ATP13A5: variants seen among roughly 807,000 people sequenced by gnomAD.
ATP13A5 encodes probable cation-transporting ATPase 13A5.
ATP13A5 carries 149 observed loss-of-function variants against 150.2 expected under a neutral mutation model. The observed-to-expected ratio is 0.99, with a 90% CI of 0.87 to 1.14. The LOEUF is 1.14. ATP13A5 is among the 50% of genes most tolerant of loss of function. The probability of loss-of-function intolerance (pLI) is 0.00; values close to 1 mark genes in which losing one functional copy is unlikely to be tolerated. For synonymous variants in ATP13A5, 497 were observed against 522.2 expected, an observed-to-expected ratio of 0.95 and a Z score of 0.66; for missense variants, 1,383 against 1,449.3, an observed-to-expected ratio of 0.95 and a Z score of 0.74.
chr3:193,369,255 T>C (rs2220523), intron 1 of ATP13A5, among the ~76,000 whole-genome samples: 1 of 152,012 alleles, frequency 6.6e-6, no homozygotes, highest in African/African-American at 2.4e-5. Context: ...CTAAGTTTTT[T>C]AAAAATATAT....
rs1412863391 is a variant in ATP13A5 at position 193,351,155 on chromosome 3, C to G, written c.653G>C (p.Trp218Ser). 2.5e-6 allele frequency: 4 copies of G among 1,613,740 alleles called. No homozygotes were observed. Residue 218 changes from tryptophan (W) to serine (S), a missense_variant, in exon 7 of 30, where the codon TGG (tryptophan) becomes TCG (serine). Physicochemically the swap from Trp to Ser is radical, Grantham distance 177. Around this residue, in one of 3 missense-constraint regions of ATP13A5, gnomAD observed 787 missense variants for 771.9 expected, o/e 1.02. Coordinates refer to ENST00000342358, the MANE Select transcript of ATP13A5 (RefSeq NM_198505.4). The stretch of plus-strand genomic sequence containing the variant: ...GTATTCTATGTAACCTTGAGACAGC[C>G]ACAAAGTTAGGGTGAAGGCTTGGAA... ...YVFQAFTLTL[W>S]LSQGYIEYSV... is the part of the protein sequence containing the mutation.
At position 193,275,220 on chromosome 3, in the gene ATP13A5, C is replaced by T; in HGVS notation, c.3479G>A (p.Trp1160Ter). The change falls in exon 30 of 30, where the codon TGG becomes TAG. Residue 1160 changes from tryptophan (W) to a stop codon, truncating the protein, a stop_gained. Coordinates refer to ENST00000342358, the MANE Select transcript of ATP13A5 (RefSeq NM_198505.4). LOFTEE classifies it low-confidence loss of function (END_TRUNC). ...TGAGTCTTCTGCTAGCTTCTTTTGC[C>T]AAGTCCTATATTGACTTTTAGAGTA... ...GFYSKSQYRT[W>*]QKKLAEDSTW... 6.2e-7 allele frequency: 1 copy of T among 1,614,170 alleles called. No individual in the cohort carries two copies. The highest frequency in any genetic ancestry group is 8.5e-7 in the Non-Finnish European group (1 of 1,180,038).
intron 14 of ATP13A5, among the ~76,000 whole-genome samples, chr3:193,324,173 A>G (rs1422212973): frequency 1.3e-5 from 2 of 152,104 alleles, no homozygotes; most frequent in African/African-American, 4.8e-5. Context: ...AGGGTTTTCC[A>G]CTATGGCAGC....
chr3:193,330,979 C>T (rs1336660079), intron 12 of ATP13A5, 144 bp downstream of exon 12: 1 of 740,782 alleles, frequency 1.3e-6, no homozygotes, highest in East Asian at 2.6e-5. Flanking sequence ...TGTGATCTTG[C>T]ACTAGCTCAC....
intron 25 of ATP13A5, among the ~76,000 whole-genome samples, chr3:193,298,488 A>C (rs1718262765): frequency 6.6e-6 from 1 of 152,080 alleles, no homozygotes; most frequent in African/African-American, 2.4e-5. Context: ...ACATTGCCTG[A>C]TGTTTTATCT....
At chr3:193,336,287 T>C (rs1219790019) in intron 9 of ATP13A5, among the ~76,000 whole-genome samples, 22 of 152,200 alleles carry the variant, frequency 1.4e-4, no homozygotes, top group Non-Finnish European at 1.5e-5. Flanking sequence ...GTGCACAACA[T>C]GCAGGTTTGT....
At chr3:193,279,533 T>C in intron 27 of ATP13A5, 79 bp from the exon 28 acceptor site, 1 of 1,139,506 alleles carries the variant, frequency 8.8e-7, no homozygotes, top group East Asian at 2.4e-5. Context: ...GAATCAATTA[T>C]CTCTGTTGGG....
intron 27 of ATP13A5, 132 bp from the exon 28 acceptor site, chr3:193,279,586 A>G: frequency 1.5e-6 from 1 of 658,308 alleles, no homozygotes; most frequent in Non-Finnish European, 2.7e-6. Flanking sequence ...ATATCCTCAT[A>G]TGTTTTGAAA....
At chr3:193,321,646 G>A in intron 16 of ATP13A5, 35 bp downstream of exon 16, 1 of 1,608,148 alleles carries the variant, frequency 6.2e-7, no homozygotes, top group Middle Eastern at 1.7e-4. Flanking sequence ...AAAAACAAAA[G>A]TATTTTACTT....
chr3:193,327,177 T>C lies in ATP13A5; in HGVS notation c.1462-120A>G, dbSNP rs1719496383. On this transcript the variant is annotated intron_variant, in intron 12 of 29. Coordinates refer to ENST00000342358, the MANE Select transcript of ATP13A5 (RefSeq NM_198505.4). ...AGATCCAGTAGTCTAAATACCTTGT[T>C]TATAAGTACCAAATTTTAAATCAGA... is the stretch of plus-strand genomic sequence containing the variant. 4 of 845,818 alleles carry C rather than the reference T, an allele frequency of 4.7e-6. No homozygotes were observed. In the Admixed American group the frequency reaches 1.4e-4, roughly 29 times the overall value. 52.4% of individuals were successfully genotyped at this position (845,818 alleles called of 1,614,324 possible).
At chr3:193,346,798 G>C (rs1176889531) in intron 7 of ATP13A5, among the ~76,000 whole-genome samples, 2 of 152,066 alleles carry the variant, frequency 1.3e-5, no homozygotes, top group Admixed American at 6.6e-5. Flanking sequence ...TGGTAATTTG[G>C]ATCAATTGAG....
intron 5 of ATP13A5, among the ~76,000 whole-genome samples, chr3:193,358,035 C>T (rs1443127788): frequency 6.6e-6 from 1 of 152,102 alleles, no homozygotes; most frequent in Non-Finnish European, 1.5e-5. Context: ...CCATTTTAGG[C>T]TCCAGGTGGT....
At chr3:193,298,280 A>C (rs1392072067) in intron 25 of ATP13A5, among the ~76,000 whole-genome samples, 2 of 152,142 alleles carry the variant, frequency 1.3e-5, no homozygotes, top group Admixed American at 6.6e-5. Context: ...AAAATTATTC[A>C]GTCATATGAA....
chr3:193,279,373 C>G lies in ATP13A5; in HGVS notation c.3308G>C (p.Gly1103Ala). 1.2e-6 allele frequency: 2 copies of G among 1,613,180 alleles called. No homozygotes were observed. The highest frequency in any genetic ancestry group is 1.1e-5 in the South Asian group (1 of 91,056). Reference sequence around the variant, plus strand: ...CAAATGAATGCCACTTACCTCCATTCCACGGTATATAACTTGAAAGTCAGA... The same window carrying G: ...CAAATGAATGCCACTTACCTCCATTGCACGGTATATAACTTGAAAGTCAGA... ...LFSDFQVIYRGMELIPTITSW... is the reference protein window; with the variant it reads ...LFSDFQVIYRAMELIPTITSW... The change falls in exon 28 of 30, where the codon GGA becomes GCA. Residue 1103 changes from glycine to alanine, a missense_variant. Physicochemically the swap from Gly to Ala is moderately conservative, Grantham distance 60 (BLOSUM62 0). Transcript: ENST00000342358.
chr3:193,324,434 A>T (rs1394957671), intron 14 of ATP13A5, among the ~76,000 whole-genome samples: 3 of 152,186 alleles, frequency 2.0e-5, no homozygotes, highest in Non-Finnish European at 4.4e-5. Context: ...TCTACCAGAG[A>T]ACACTGCTTT....
chr3:193,287,966 T>A (rs542616779), intron 26 of ATP13A5, among the ~76,000 whole-genome samples: 1 of 152,236 alleles, frequency 6.6e-6, no homozygotes, highest in East Asian at 1.9e-4. Context: ...GAATGACTTT[T>A]TGGGGTTCAA....
chr3:193,319,239 G>A, intron 16 of ATP13A5, 131 bp from the exon 17 acceptor site: 1 of 656,474 alleles, frequency 1.5e-6, no homozygotes, highest in Admixed American at 2.6e-5. Flanking sequence ...AAAACTTAGA[G>A]CTTCTCCTAA....
chr3:193,283,330 G>GA (rs753418284), intron 27 of ATP13A5, among the ~76,000 whole-genome samples: 15 of 151,742 alleles, frequency 9.9e-5, no homozygotes, highest in Non-Finnish European at 2.1e-4. Flanking sequence ...TTCATAATTA[G>GA]AAAAAACTTC....
intron 27 of ATP13A5, among the ~76,000 whole-genome samples, chr3:193,284,200 G>GT (rs1349503855): frequency 6.6e-6 from 1 of 151,294 alleles, no homozygotes; most frequent in South Asian, 2.1e-4. Flanking sequence ...TTGTAAAAGT[G>GT]TTTTTTTAGA....
Sources: gnomAD v4.1 joint callset for allele counts (sites outside exome capture counted in the v4.1 genomes callset) on GRCh38, gnomAD v4.1.1 for gene constraint, gnomAD v4.1.1 regional missense constraint, MANE v1.5 for transcripts, NCBI Gene and HGNC (gene_info 2026-07-23, HGNC 2026-07-21) for gene names.